TNFRSF8: variants seen among roughly 807,000 people sequenced by gnomAD.
The protein encoded by TNFRSF8 is TNF receptor superfamily member 8, also known as tumor necrosis factor receptor superfamily member 8.
In TNFRSF8, 26 loss-of-function variants were observed where a neutral mutation model predicts 70.8. The observed-to-expected ratio is 0.37, with a 90% CI of 0.27 to 0.51. The LOEUF is 0.51. Ranked by LOEUF, TNFRSF8 falls within the 20% of genes least tolerant of loss-of-function variation. TNFRSF8 has a pLI of 0.94. For missense variants in TNFRSF8, 720 were observed against 807.9 expected (o/e 0.89, Z 1.32); for synonymous variants, 356 against 339.2 (o/e 1.05, Z -0.54).
At chr1:12,070,994 C>T (rs1640833392) in intron 1 of TNFRSF8, among the ~76,000 whole-genome samples, 1 of 152,160 alleles carries the variant, frequency 6.6e-6, no homozygotes, top group African/African-American at 2.4e-5. Flanking sequence ...CCCAAGACCC[C>T]CTTTTTTTGG....
chr1:12,136,984 A>G (rs1330388323), intron 13 of TNFRSF8, among the ~76,000 whole-genome samples: 3 of 151,220 alleles, frequency 2.0e-5, no homozygotes, highest in Non-Finnish European at 2.9e-5. Flanking sequence ...AGGGAAGGTC[A>G]GCAGATAAAC....
chr1:12,115,444 A>G, intron 7 of TNFRSF8, 133 bp from the exon 8 acceptor site: 2 of 988,886 alleles, frequency 2.0e-6, no homozygotes, highest in Non-Finnish European at 3.2e-6. Flanking sequence ...GCTCAACGGC[A>G]TAGTCAGACG....
chr1:12,124,838 C>CAA (rs2101028062), intron 10 of TNFRSF8, among the ~76,000 whole-genome samples: 1 of 67,608 alleles, frequency 1.5e-5, no homozygotes, highest in Admixed American at 2.2e-4. Context: ...TCAAACAAAA[C>CAA]AAAACAAAAC....
chr1:12,134,996 G>T (rs563454666), intron 12 of TNFRSF8, among the ~76,000 whole-genome samples: 1 of 152,218 alleles, frequency 6.6e-6, no homozygotes, highest in South Asian at 2.1e-4. Flanking sequence ...GAGTGGTTCA[G>T]TGTGTTCATT....
intron 12 of TNFRSF8, among the ~76,000 whole-genome samples, chr1:12,129,577 A>C (rs1219423703): frequency 1.3e-5 from 2 of 152,084 alleles, no homozygotes; most frequent in African/African-American, 4.8e-5. Flanking sequence ...TCTTTCACTT[A>C]CTGGGAAGAG....
intron 12 of TNFRSF8, 87 bp downstream of exon 12, chr1:12,126,323 A>G (rs1385401311): frequency 6.7e-7 from 1 of 1,492,862 alleles, no homozygotes; most frequent in African/African-American, 1.4e-5. Context: ...CAGAGACTGA[A>G]CTTCTACCCC....
chr1:12,132,231 T>C (rs754404023), intron 12 of TNFRSF8, among the ~76,000 whole-genome samples: 3 of 152,270 alleles, frequency 2.0e-5, no homozygotes, highest in Non-Finnish European at 2.9e-5. Flanking sequence ...TGAACCATTA[T>C]TGACACAGGA....
intron 12 of TNFRSF8, among the ~76,000 whole-genome samples, chr1:12,135,333 A>AAAT (rs1642125762): frequency 6.7e-6 from 1 of 149,352 alleles, no homozygotes; most frequent in African/African-American, 2.5e-5. Context: ...AAAAAAAAAA[A>AAAT]GGAATGAGAG....
At position 12,112,903 on chromosome 1, in the gene TNFRSF8, C is replaced by T. The variant is rs1641658720; in HGVS notation, c.793+889C>T. On this transcript the variant is annotated intron_variant, in intron 7 of 14. Coordinates refer to ENST00000263932, the MANE Select transcript of TNFRSF8 (RefSeq NM_001243.5). The surrounding 1 kb of genome is among the most constrained non-coding windows in gnomAD (Gnocchi z 5.3). ...GAGGCCACTGGGAATGTGTGTCTGT[C>T]TCCTTGTCCAGAGCTGCTTTTGGGC... 6.6e-6 allele frequency among the ~76,000 whole-genome samples: 1 copy of T among 152,210 alleles called. No individual in the cohort carries two copies. Among genetic ancestry groups the T allele is most frequent in the African/African-American group, 2.4e-5 (1 of 41,454 alleles).
intron 1 of TNFRSF8, among the ~76,000 whole-genome samples, chr1:12,073,989 G>C (rs866442259): frequency 1.1e-4 from 16 of 151,872 alleles, no homozygotes; most frequent in Admixed American, 5.2e-4. Flanking sequence ...CCTTGTCTGA[G>C]TTGTAGCTAA....
chr1:12,097,870 T>C (rs529987444), intron 3 of TNFRSF8, among the ~76,000 whole-genome samples: 4 of 152,334 alleles, frequency 2.6e-5, no homozygotes, highest in African/African-American at 9.6e-5. Context: ...GTTTGTTGCG[T>C]ATAAAGTTCT....
chr1:12,078,639 AC>A (rs1029638109), intron 1 of TNFRSF8, among the ~76,000 whole-genome samples: 6 of 151,492 alleles, frequency 4.0e-5, no homozygotes, highest in Admixed American at 3.9e-4. Context: ...GAACTACAGC[AC>A]CCCCCCACCC....
At chr1:12,102,422 C>A (rs863640) in intron 3 of TNFRSF8, among the ~76,000 whole-genome samples, 1 of 152,304 alleles carries the variant, frequency 6.6e-6, no homozygotes, top group South Asian at 2.1e-4. Flanking sequence ...CTCTGCCTTC[C>A]GTATTTCGGG....
intron 1 of TNFRSF8, among the ~76,000 whole-genome samples, chr1:12,075,501 CTCTT>C (rs1640929028): frequency 6.6e-6 from 1 of 152,192 alleles, no homozygotes; most frequent in Non-Finnish European, 1.5e-5. Flanking sequence ...CCCTGACTCT[CTCTT>C]CTGCCTCCCT....
intron 2 of TNFRSF8, among the ~76,000 whole-genome samples, chr1:12,087,636 A>G (rs951058329): frequency 6.6e-6 from 1 of 151,958 alleles, no homozygotes; most frequent in African/African-American, 2.4e-5. Flanking sequence ...TGTGGTTTTT[A>G]TCCTCTGGAA....
chr1:12,126,570 G>T (rs11569917), intron 12 of TNFRSF8, among the ~76,000 whole-genome samples: 3,063 of 152,190 alleles, frequency 0.02, 132 homozygotes, highest in East Asian at 0.19. Context: ...TGCCAGCCTT[G>T]CCTTCCTCTC....
chr1:12,128,718 CA>C (rs1641989167), intron 12 of TNFRSF8, among the ~76,000 whole-genome samples: 2 of 152,132 alleles, frequency 1.3e-5, no homozygotes, highest in Non-Finnish European at 2.9e-5. Context: ...GGACGTTGTA[CA>C]GCCCCTCTAG....
rs1642243174 is a variant in TNFRSF8 at position 12,141,003 on chromosome 1, G to T, written c.1544-1284G>T. Among the ~76,000 whole-genome samples the T allele has an allele frequency of 6.6e-6, 1 of 152,140 alleles. No homozygotes were observed. Among genetic ancestry groups the T allele is most frequent in the Non-Finnish European group, 1.5e-5 (1 of 68,026 alleles). The stretch of plus-strand genomic sequence containing the variant: ...GAGGCCCTGCTCTGTTTTGGGGTCT[G>T]TGGGGGCGCCCAGCCCATAGCCTGT... On this transcript the variant is annotated intron_variant, in intron 14 of 14. Transcript: ENST00000263932. The surrounding 1 kb of genome is among the most constrained non-coding windows in gnomAD (Gnocchi z 5.4).
chr1:12,107,117 G>A (rs1041395023), intron 4 of TNFRSF8, among the ~76,000 whole-genome samples: 5 of 152,310 alleles, frequency 3.3e-5, no homozygotes, highest in African/African-American at 4.8e-5. Flanking sequence ...GCTAGGGGCC[G>A]GGTGCGGTGG....
Sources: allele counts gnomAD v4.1 joint callset (sites outside exome capture counted in the v4.1 genomes callset), GRCh38; gene constraint gnomAD v4.1.1; non-coding constraint Gnocchi (gnomAD v3.1); transcripts MANE v1.5; gene names NCBI Gene and HGNC (gene_info 2026-07-23, HGNC 2026-07-21).